Variants in PCDH1 observed in about 807,000 individuals in gnomAD.
PCDH1 encodes protocadherin-1.
A neutral mutation model predicts 74.6 loss-of-function variants in PCDH1; 23 were observed. The ratio of observed to expected loss-of-function variants is 0.31; its 90% CI spans 0.22 to 0.44. The LOEUF (loss-of-function observed/expected upper bound fraction) is 0.44, where lower values mean the gene tolerates loss of function less well. PCDH1 is among the 20% of genes least tolerant of loss of function. The pLI is 1.00. For missense variants in PCDH1, 1,214 were observed against 1,641.4 expected, an observed-to-expected ratio of 0.74 and a Z score of 4.50; for synonymous variants, 647 against 686.1, an observed-to-expected ratio of 0.94 and a Z score of 0.89.
rs778305630 is a variant in PCDH1 at position 141,854,430 on chromosome 5, C to T, written c.3326G>A (p.Arg1109His). The T allele has an allele frequency of 1.2e-5, 20 of 1,606,436 alleles. No homozygotes were observed. Among genetic ancestry groups the T allele is most frequent in the Non-Finnish European group, 1.7e-5 (20 of 1,176,068 alleles). ...TGTCATGGCGACATCAGGCAAAGGG[C>T]GAAGGTCTGTAGGAGGGAGCGGGGA... is the stretch of plus-strand genomic sequence containing the variant. ...GEMEHPENDL[R>H]PLPDVAMTGT... is the part of the protein sequence containing the mutation. Residue 1109 changes from arginine (R) to histidine (H), a missense_variant, in exon 5 of 5, where the codon CGC (arginine) becomes CAC (histidine). This residue lies in a region of PCDH1 where 194 missense variants were observed against 198.3 expected (regional missense o/e 0.98). Coordinates refer to ENST00000287008, the MANE Select transcript of PCDH1 (RefSeq NM_032420.5).
At chr5:141,856,028 T>A (rs1338643137) in intron 4 of PCDH1, among the ~76,000 whole-genome samples, 1 of 151,448 alleles carries the variant, frequency 6.6e-6, no homozygotes, top group Non-Finnish European at 1.5e-5. Context: ...CCACCCACTA[T>A]GGCTTGGCCT....
intron 1 of PCDH1, among the ~76,000 whole-genome samples, chr5:141,871,018 C>T (rs1428004038): frequency 6.6e-6 from 1 of 152,230 alleles, no homozygotes; most frequent in Non-Finnish European, 1.5e-5. Context: ...AACTCACAGC[C>T]ACTTATTGTC....
chr5:141,862,586 G>A, intron 3 of PCDH1: 1 of 976,902 alleles, frequency 1.0e-6, no homozygotes, highest in Non-Finnish European at 1.2e-6. Flanking sequence ...TAGGACCTGA[G>A]GACAAAGGGC....
chr5:141,862,516 G>T, intron 3 of PCDH1: 2 of 481,020 alleles, frequency 4.2e-6, no homozygotes, highest in Non-Finnish European at 5.4e-6. Flanking sequence ...ATAGTGTGGG[G>T]TACAATGGGC....
rs772030845 is a variant in PCDH1, at chr5:141,869,182, G to A, written c.290C>T (p.Pro97Leu). The A allele has an allele frequency of 4.0e-5, 64 of 1,613,864 alleles. No homozygotes were observed. The Middle Eastern group carries it at 4.9e-4, about 12-fold the overall frequency. ...TGTCTTGCCATCCACGCGAAGGTAC[G>A]GGGCACCCACCTCTAGCTTGTACAG... ...GHLYKLEVGA[P>L]YLRVDGKTGD... Residue 97 changes from proline to leucine, a missense_variant, in exon 2 of 5, where the codon CCG (proline) becomes CTG (leucine). Physicochemically the swap from Pro to Leu is moderately conservative, Grantham distance 98 (BLOSUM62 -3). Coordinates refer to ENST00000287008, the MANE Select transcript of PCDH1 (RefSeq NM_032420.5). This position sits in a 1 kb window ranked among gnomAD's most constrained non-coding sequence, Gnocchi z 4.9.
At position 141,868,694 on chromosome 5, in the gene PCDH1, G is replaced by C. The variant is rs762909406; in HGVS notation, c.778C>G (p.Arg260Gly). ...ACACGCAGCAGGGCACTGCTGGCGC[G>C]TGGGGGGCTGCCGCCATCCTGCACC... ...IKVQDGGSPP[R>G]ASSALLRVTV... The change falls in exon 2 of 5, where the codon CGC becomes GGC. Residue 260 changes from arginine to glycine, a missense_variant. Around this residue, in one of 4 missense-constraint regions of PCDH1, gnomAD observed 836 missense variants for 1,182.2 expected, o/e 0.71. Coordinates refer to ENST00000287008, the MANE Select transcript of PCDH1 (RefSeq NM_032420.5). The surrounding 1 kb of genome is among the most constrained non-coding windows in gnomAD (Gnocchi z 4.8). 1.9e-6 allele frequency: 3 copies of C among 1,613,728 alleles called. No homozygotes were observed. In the African/African-American group the frequency reaches 4.0e-5, roughly 22 times the overall value.
chr5:141,871,406 C>T (rs151042110), intron 1 of PCDH1, among the ~76,000 whole-genome samples: 86 of 152,274 alleles, frequency 5.6e-4, no homozygotes, highest in African/African-American at 1.9e-3. Flanking sequence ...TACCATTTGG[C>T]GAATGTAAGG....
chr5:141,871,566 G>T (rs1753097163), intron 1 of PCDH1, among the ~76,000 whole-genome samples: 1 of 152,180 alleles, frequency 6.6e-6, no homozygotes, highest in Non-Finnish European at 1.5e-5. Context: ...ATTTCCTAGG[G>T]TGTTTGAGAT....
intron 3 of PCDH1, chr5:141,862,718 G>A: frequency 2.0e-6 from 2 of 994,322 alleles, no homozygotes; most frequent in Non-Finnish European, 2.4e-6. Flanking sequence ...AAGCCTAGTG[G>A]TGAGGAAGAG....
intron 2 of PCDH1, chr5:141,867,667 A>G: frequency 2.3e-6 from 1 of 437,180 alleles, no homozygotes. Flanking sequence ...CTTTGGCTTG[A>G]GGACCCAGGA....
At chr5:141,854,904 T>A (rs547604910) in intron 4 of PCDH1, among the ~76,000 whole-genome samples, 2 of 151,844 alleles carry the variant, frequency 1.3e-5, no homozygotes, top group African/African-American at 4.8e-5. Flanking sequence ...ACTCCTGACC[T>A]CAGGTGATCC....
chr5:141,857,597 A>C (rs1752401218), intron 3 of PCDH1, 126 bp from the exon 4 acceptor site: 1 of 707,866 alleles, frequency 1.4e-6, no homozygotes, highest in Non-Finnish European at 2.3e-6. Flanking sequence ...GAAGAGACCC[A>C]GGCCCCAGCA....
At chr5:141,859,006 C>T (rs1752468807) in intron 3 of PCDH1, among the ~76,000 whole-genome samples, 2 of 152,106 alleles carry the variant, frequency 1.3e-5, no homozygotes, top group African/African-American at 4.8e-5. Flanking sequence ...CTGAAGATGG[C>T]TCCCACCTCA....
intron 3 of PCDH1, among the ~76,000 whole-genome samples, chr5:141,860,805 CTAG>C (rs1400711138): frequency 6.6e-6 from 1 of 152,108 alleles, no homozygotes; most frequent in African/African-American, 2.4e-5. Flanking sequence ...TACCTCACAC[CTAG>C]TAAGGACTCA....
chr5:141,860,027 CAGG>C (rs1318591865), intron 3 of PCDH1, among the ~76,000 whole-genome samples: 2 of 152,106 alleles, frequency 1.3e-5, no homozygotes, highest in Non-Finnish European at 2.9e-5. Context: ...ACTTCTGCCG[CAGG>C]AGTTTGCTTA....
intron 3 of PCDH1, among the ~76,000 whole-genome samples, chr5:141,860,906 A>T (rs998392088): frequency 4.6e-5 from 7 of 152,152 alleles, no homozygotes; most frequent in Non-Finnish European, 8.8e-5. Context: ...GCCTGAGGTC[A>T]GGAGCTCAAG....
Position 141,868,293 on chromosome 5 carries a change from T to C in PCDH1, c.903+276A>G, listed in dbSNP as rs1188809759. Among the ~76,000 whole-genome samples, 7 of 152,232 alleles carry C rather than the reference T, an allele frequency of 4.6e-5. No individual in the cohort carries two copies. The highest frequency in any genetic ancestry group is 3.3e-4 in the Admixed American group (5 of 15,290). ...TACTTGACTAGGGCGGGAGTTTTAC[T>C]TCTCAGAGGTTCCCCCAGCTTGAGT... On this transcript the variant is annotated intron_variant, in intron 2 of 4. Coordinates refer to ENST00000287008, the MANE Select transcript of PCDH1 (RefSeq NM_032420.5). The surrounding 1 kb of genome is among the most constrained non-coding windows in gnomAD (Gnocchi z 4.8).
At chr5:141,861,295 A>G (rs1389153946) in intron 3 of PCDH1, among the ~76,000 whole-genome samples, 3 of 152,070 alleles carry the variant, frequency 2.0e-5, no homozygotes, top group African/African-American at 7.2e-5. Flanking sequence ...GTCTAGTACC[A>G]TGCTGAGTAC....
intron 4 of PCDH1, chr5:141,856,359 TA>T: frequency 1.8e-5 from 1 of 57,036 alleles, no homozygotes; most frequent in Non-Finnish European, 3.2e-5. Context: ...CCTGGGAGGT[TA>T]GACAAGGGCC....
Sources: gnomAD v4.1 joint callset for allele counts (sites outside exome capture counted in the v4.1 genomes callset) on GRCh38, gnomAD v4.1.1 for gene constraint, gnomAD v4.1.1 regional missense constraint, Gnocchi (gnomAD v3.1) non-coding constraint, MANE v1.5 for transcripts, NCBI Gene and HGNC (gene_info 2026-07-23, HGNC 2026-07-21) for gene names.